Variants in TRPM1 observed in about 807,000 individuals in gnomAD.
The protein encoded by TRPM1 is TRPM1-203 APA Isoform, Intron 10.
In TRPM1, 113 loss-of-function variants were observed where a neutral mutation model predicts 149.4. That is an observed-to-expected ratio of 0.76 (90% CI 0.65 to 0.88). The LOEUF (loss-of-function observed/expected upper bound fraction) is 0.88, where lower values mean the gene tolerates loss of function less well. TRPM1 is among the 40% of genes least tolerant of loss of function. TRPM1 has a pLI of 0.00. For synonymous variants in TRPM1, 741 were observed against 759.5 expected (o/e 0.98, Z 0.40); for missense variants, 1,976 against 2,038.7 (o/e 0.97, Z 0.59).
At chr15:31,128,830 T>C (rs569903744) in intron 1 of TRPM1, among the ~76,000 whole-genome samples, 1 of 152,380 alleles carries the variant, frequency 6.6e-6, no homozygotes, top group African/African-American at 2.4e-5. Flanking sequence ...TGAAATTCTT[T>C]ACAATTTTTG....
At position 31,042,123 on chromosome 15, in the gene TRPM1, C is replaced by T; in HGVS notation, c.1915G>A (p.Val639Met). Residue 639 changes from valine (V) to methionine (M), a missense_variant, in exon 17 of 28, where the codon GTG (valine) becomes ATG (methionine). By Grantham distance (21) the Val-to-Met change is conservative (BLOSUM62 1). Around this residue, in one of 3 missense-constraint regions of TRPM1, gnomAD observed 1,332 missense variants for 1,347.1 expected, o/e 0.99. Transcript: ENST00000256552. Reference sequence around the variant, plus strand: ...TGGCGTTTCATCAGCACTGCCCACACCATCAGCTCGTGGAAGGGATACTGG... The same window carrying T: ...TGGCGTTTCATCAGCACTGCCCACATCATCAGCTCGTGGAAGGGATACTGG... ...RFQYPFHELM[V>M]WAVLMKRQKM... 6.2e-7 allele frequency: 1 copy of T among 1,614,234 alleles called. No individual in the cohort carries two copies. The highest frequency in any genetic ancestry group is 8.5e-7 in the Non-Finnish European group (1 of 1,180,032).
At chr15:31,159,441 C>A (rs1340331377) in intron 1 of TRPM1, among the ~76,000 whole-genome samples, 1 of 152,178 alleles carries the variant, frequency 6.6e-6, no homozygotes, top group African/African-American at 2.4e-5. Flanking sequence ...CCGGGCTGCA[C>A]GGCCAGTGGC....
rs144354816 is a variant in TRPM1, at chr15:31,122,376, A to G, written c.54+38530T>C. 1.7e-3 allele frequency among the ~76,000 whole-genome samples: 259 copies of G among 152,334 alleles called. 1 individual carries two copies. The highest frequency in any genetic ancestry group is 6.1e-3 in the African/African-American group (252 of 41,578). On this transcript the variant is annotated intron_variant, in intron 1 of 26. Coordinates refer to the TRPM1 transcript ENST00000542188. ...AGAAATAAAAGTTATGCAAAATTGG[A>G]AAGGAAGGAATAAAACTGTCTTTGC... is the stretch of plus-strand genomic sequence containing the variant.
chr15:31,131,307 T>A (rs2036013179), intron 1 of TRPM1, among the ~76,000 whole-genome samples: 1 of 152,160 alleles, frequency 6.6e-6, no homozygotes, highest in East Asian at 1.9e-4. Flanking sequence ...AATTCAGATA[T>A]GCCAAAGAGA....
rs763737528 is a variant in TRPM1 at position 31,042,151 on chromosome 15, C to CCGA, written c.1884_1886dup (p.Arg629dup). 2.5e-6 allele frequency: 4 copies of CCGA among 1,614,228 alleles called. No homozygotes were observed. The highest frequency in any genetic ancestry group is 1.7e-6 in the Non-Finnish European group (2 of 1,180,040). ...TCAGCTCGTGGAAGGGATACTGGAA[C>CCGA]CGACTCACGGCAGGGTCGTCCACAT... On this transcript the variant is annotated inframe_insertion, in exon 17 of 28. Transcript: ENST00000256552.
intron 27 of TRPM1, among the ~76,000 whole-genome samples, chr15:31,005,104 A>AAATTAAATAAATAAAT (rs2031940356): frequency 7.0e-6 from 1 of 142,758 alleles, no homozygotes; most frequent in African/African-American, 2.6e-5. Context: ...TCCATCTCAA[A>AAATTAAATAAATAAAT]AAATAAATAA....
At chr15:31,150,066 C>G (rs577741373) in intron 1 of TRPM1, among the ~76,000 whole-genome samples, 2 of 152,314 alleles carry the variant, frequency 1.3e-5, no homozygotes, top group South Asian at 4.1e-4. Flanking sequence ...CCATTTCATC[C>G]TTAGGAGCTA....
chr15:31,121,874 A>G (rs1445455836), intron 1 of TRPM1, among the ~76,000 whole-genome samples: 5 of 152,180 alleles, frequency 3.3e-5, no homozygotes, highest in African/African-American at 1.2e-4. Flanking sequence ...GAAAAAAAAG[A>G]AACTATAGCC....
chr15:31,073,312 C>A (rs111582285), intron 3 of TRPM1, among the ~76,000 whole-genome samples: 2,821 of 152,164 alleles, frequency 0.019, 62 homozygotes, highest in Non-Finnish European at 0.025. Flanking sequence ...ATCAATTTGC[C>A]ATAGGTGTAT....
At chr15:31,120,364 A>T (rs1157937997) in intron 1 of TRPM1, among the ~76,000 whole-genome samples, 4 of 152,176 alleles carry the variant, frequency 2.6e-5, no homozygotes, top group Non-Finnish European at 4.4e-5. Flanking sequence ...AGAATTTTTG[A>T]TGTGTATGTG....
At chr15:31,052,495 C>T (rs1253784881) in intron 11 of TRPM1, among the ~76,000 whole-genome samples, 1 of 152,178 alleles carries the variant, frequency 6.6e-6, no homozygotes, top group Non-Finnish European at 1.5e-5. Context: ...TAAAATGCTG[C>T]TGGGCACGGT....
At chr15:31,152,633 G>C (rs2036319235) in intron 1 of TRPM1, among the ~76,000 whole-genome samples, 2 of 152,130 alleles carry the variant, frequency 1.3e-5, no homozygotes. Flanking sequence ...GACCAGCATT[G>C]ACATTAAAAC....
At chr15:31,035,852 G>T in intron 20 of TRPM1, 178 bp from the exon 21 acceptor site, 1 of 828,670 alleles carries the variant, frequency 1.2e-6, no homozygotes, top group Non-Finnish European at 2.0e-6. Context: ...CCTGGAGGCA[G>T]GACGGGAGGC....
At chr15:31,135,531 C>T (rs1196412248) in intron 1 of TRPM1, among the ~76,000 whole-genome samples, 1 of 152,146 alleles carries the variant, frequency 6.6e-6, no homozygotes, top group African/African-American at 2.4e-5. Flanking sequence ...TCTAAATCTA[C>T]TAAGTTTGTA....
At chr15:31,027,835 A>G (rs1595989502) in intron 25 of TRPM1, among the ~76,000 whole-genome samples, 1 of 152,202 alleles carries the variant, frequency 6.6e-6, no homozygotes, top group African/African-American at 2.4e-5. Flanking sequence ...ACTCAACACA[A>G]CATGCCAAAT....
chr15:31,113,408 A>G (rs1180401163), intron 1 of TRPM1, among the ~76,000 whole-genome samples: 5 of 148,928 alleles, frequency 3.4e-5, no homozygotes, highest in African/African-American at 1.2e-4. Flanking sequence ...CTATGCATAC[A>G]GAATTCAATA....
chr15:31,088,794 C>G (rs1030204677), intron 1 of TRPM1, among the ~76,000 whole-genome samples: 4 of 113,992 alleles, frequency 3.5e-5, no homozygotes, highest in Non-Finnish European at 5.3e-5. Context: ...CCTGAACGTT[C>G]TTTCTGCTGG....
intron 1 of TRPM1, among the ~76,000 whole-genome samples, chr15:31,118,997 T>A (rs2035840140): frequency 6.6e-6 from 1 of 152,030 alleles, no homozygotes; most frequent in Admixed American, 6.6e-5. Flanking sequence ...CCCAGCACTT[T>A]GGGAGGCCGA....
rs774289480 is a variant in TRPM1 at position 31,040,249 on chromosome 15, T to C, written c.2185A>G (p.Ser729Gly). Residue 729 changes from serine (S) to glycine (G), a missense_variant, in exon 18 of 28, where the codon AGC becomes GGC. By Grantham distance (56) the Ser-to-Gly change is moderately conservative. Coordinates refer to ENST00000256552, the MANE Select transcript of TRPM1 (RefSeq NM_001252024.2). The surrounding 1 kb of genome is among the most constrained non-coding windows in gnomAD (Gnocchi z 4.2). ...GCCAGTTTGAGGCAGGTCGAGTTGC[T>C]CCAGTTTTTCAGCTCGTAGGTCAGG... is the stretch of plus-strand genomic sequence containing the variant. ...KLLTYELKNW[S>G]NSTCLKLAVA... The C allele has an allele frequency of 6.2e-7, 1 of 1,614,164 alleles. No individual in the cohort carries two copies. Among genetic ancestry groups the C allele is most frequent in the Non-Finnish European group, 8.5e-7 (1 of 1,180,022 alleles).
Sources: allele counts gnomAD v4.1 joint callset (sites outside exome capture counted in the v4.1 genomes callset), GRCh38; gene constraint gnomAD v4.1.1; regional missense constraint gnomAD v4.1.1; non-coding constraint Gnocchi (gnomAD v3.1); transcripts MANE v1.5; gene names NCBI Gene and HGNC (gene_info 2026-07-23, HGNC 2026-07-21).